Variants in TMEM135 observed in about 807,000 individuals in gnomAD.
TMEM135 encodes the protein transmembrane protein 135.
TMEM135 carries 30 observed loss-of-function variants against 60.3 expected under a neutral mutation model. That is an observed-to-expected ratio of 0.50 (90% CI 0.37 to 0.68). The LOEUF (loss-of-function observed/expected upper bound fraction) is 0.68. Among genes scored for constraint, TMEM135 ranks in the 30% least tolerant of loss-of-function variants. The probability of loss-of-function intolerance (pLI) is 0.00; values close to 1 mark genes in which losing one functional copy is unlikely to be tolerated. For synonymous variants in TMEM135, 190 were observed against 186.7 expected, an observed-to-expected ratio of 1.02 and a Z score of -0.14; for missense variants, 468 against 548.8, an observed-to-expected ratio of 0.85 and a Z score of 1.47.
chr11:87,278,554 C>A (rs1312899125), intron 6 of TMEM135, among the ~76,000 whole-genome samples: 1 of 151,974 alleles, frequency 6.6e-6, no homozygotes, highest in Non-Finnish European at 1.5e-5. Flanking sequence ...TTAGTAGAGA[C>A]AAGGTTTCAC....
intron 4 of TMEM135, among the ~76,000 whole-genome samples, chr11:87,101,745 C>T (rs568431303): frequency 4.6e-5 from 7 of 152,108 alleles, no homozygotes; most frequent in East Asian, 3.9e-4. Flanking sequence ...GAGGCCGAGG[C>T]GGGCAGATCA....
chr11:87,209,112 C>A (rs1019866877), intron 5 of TMEM135, among the ~76,000 whole-genome samples: 1 of 152,070 alleles, frequency 6.6e-6, no homozygotes, highest in Non-Finnish European at 1.5e-5. Flanking sequence ...AAGGACATAA[C>A]CCCATTGGCA....
chr11:87,309,798 A>T, intron 10 of TMEM135, 126 bp downstream of exon 10: 3 of 1,043,974 alleles, frequency 2.9e-6, no homozygotes, highest in Non-Finnish European at 4.2e-6. Context: ...ATATCTTGAC[A>T]TAACCAAATC....
intron 4 of TMEM135, among the ~76,000 whole-genome samples, chr11:87,150,690 C>T (rs1333444202): frequency 6.6e-6 from 1 of 152,144 alleles, no homozygotes; most frequent in African/African-American, 2.4e-5. Context: ...AACTTTGTGA[C>T]ATAAGATTCC....
rs368777251 is a variant in TMEM135, at chr11:87,117,588, A to G, written c.396+26193A>G. On this transcript the variant is annotated intron_variant, in intron 4 of 14. Coordinates refer to ENST00000305494, the MANE Select transcript of TMEM135 (RefSeq NM_022918.4). Reference sequence around the variant, plus strand: ...TCATAAGAAAAAAACAGAACTCCTGATCTGTTCAAGATTTATCATGAGATT... The same window carrying G: ...TCATAAGAAAAAAACAGAACTCCTGGTCTGTTCAAGATTTATCATGAGATT... Among the ~76,000 whole-genome samples the G allele has an allele frequency of 1.4e-4, 22 of 152,310 alleles. No homozygotes were observed. In the East Asian group the frequency reaches 3.9e-3, roughly 27 times the overall value.
chr11:87,099,762 A>G (rs1857413173), intron 4 of TMEM135, among the ~76,000 whole-genome samples: 1 of 144,352 alleles, frequency 6.9e-6, no homozygotes, highest in Admixed American at 7.3e-5. Context: ...GGCTCACTGC[A>G]ACCTCCGCCT....
At chr11:87,240,037 C>T (rs1941095648) in intron 6 of TMEM135, among the ~76,000 whole-genome samples, 2 of 152,154 alleles carry the variant, frequency 1.3e-5, no homozygotes, top group Middle Eastern at 3.4e-3. Flanking sequence ...CCACTTACTT[C>T]TGGTGTGTAA....
intron 1 of TMEM135, among the ~76,000 whole-genome samples, chr11:87,061,307 T>TG (rs1949944836): frequency 6.6e-6 from 1 of 152,172 alleles, no homozygotes; most frequent in African/African-American, 2.4e-5. Flanking sequence ...TTATCACAGC[T>TG]GGGGGGATTC....
chr11:87,248,299 C>G (rs1941335930), intron 6 of TMEM135, among the ~76,000 whole-genome samples: 2 of 152,130 alleles, frequency 1.3e-5, no homozygotes, highest in Admixed American at 6.5e-5. Flanking sequence ...AGTGGTTGTA[C>G]TAATTTACAT....
At chr11:87,207,601 T>A (rs479922) in intron 5 of TMEM135, among the ~76,000 whole-genome samples, 19,815 of 152,244 alleles carry the variant, frequency 0.13, 1,342 homozygotes, top group Non-Finnish European at 0.15. Flanking sequence ...TGCATGATAT[T>A]CATTTACTAT....
At chr11:87,212,508 G>A (rs917793981) in intron 5 of TMEM135, among the ~76,000 whole-genome samples, 2 of 152,140 alleles carry the variant, frequency 1.3e-5, no homozygotes, top group African/African-American at 2.4e-5. Context: ...CCTGAGAAGA[G>A]AGATACCAAG....
At chr11:87,178,126 C>T (rs533137234) in intron 5 of TMEM135, among the ~76,000 whole-genome samples, 8 of 152,248 alleles carry the variant, frequency 5.3e-5, no homozygotes, top group Non-Finnish European at 7.4e-5. Flanking sequence ...ATTGAACTGT[C>T]TCCAGCTCCC....
chr11:87,261,532 A>C (rs1022644681), intron 6 of TMEM135, among the ~76,000 whole-genome samples: 1 of 152,212 alleles, frequency 6.6e-6, no homozygotes, highest in Non-Finnish European at 1.5e-5. Flanking sequence ...CAAAAGTATA[A>C]ATAATAAAAA....
In TMEM135 at chr11:87,049,446, G is replaced by C. The variant is rs1409270709; in HGVS notation, c.141+11260G>C. Reference sequence around the variant, plus strand: ...ATCTCACATGCAGAGACACACATAGGCTCAAAATAAAAGGATGGTGGAAGA... The same window carrying C: ...ATCTCACATGCAGAGACACACATAGCCTCAAAATAAAAGGATGGTGGAAGA... On this transcript the variant is annotated intron_variant, in intron 1 of 14. Coordinates refer to ENST00000305494, the MANE Select transcript of TMEM135 (RefSeq NM_022918.4). Among the ~76,000 whole-genome samples the C allele has an allele frequency of 3.8e-5, 4 of 104,262 alleles. 1 individual carries two copies. Among genetic ancestry groups the C allele is most frequent in the African/African-American group, 8.4e-5 (2 of 23,824 alleles). The allele number at this position is 104,262 out of a possible 152,430, so 68.4% of individuals were successfully genotyped here.
chr11:87,094,786 C>A, intron 4 of TMEM135: 1 of 190,188 alleles, frequency 5.3e-6, no homozygotes, highest in Non-Finnish European at 1.2e-5. Context: ...TGAATTTTTT[C>A]TTCCATTATT....
At chr11:87,155,821 G>A (rs373951279) in intron 4 of TMEM135, among the ~76,000 whole-genome samples, 1 of 152,116 alleles carries the variant, frequency 6.6e-6, no homozygotes, top group African/African-American at 2.4e-5. Context: ...CTGGAATTCA[G>A]GATCTGTTTA....
At chr11:87,050,463 T>TA (rs1392505527) in intron 1 of TMEM135, among the ~76,000 whole-genome samples, 1 of 70,218 alleles carries the variant, frequency 1.4e-5, no homozygotes, top group Non-Finnish European at 2.4e-5. Flanking sequence ...ATAGACACAA[T>TA]AAAAAATGAT....
intron 5 of TMEM135, among the ~76,000 whole-genome samples, chr11:87,183,928 C>G (rs1939586695): frequency 8.6e-6 from 1 of 116,038 alleles, no homozygotes; most frequent in African/African-American, 3.4e-5. Flanking sequence ...CACACTCCAA[C>G]TTGGGCAACA....
At chr11:87,318,928 G>T (rs554129321) in intron 13 of TMEM135, 1 of 161,982 alleles carries the variant, frequency 6.2e-6, no homozygotes, top group African/African-American at 2.4e-5. Context: ...GAGTGCAATG[G>T]CATGATCTCA....
Sources: gnomAD v4.1 joint callset for allele counts (sites outside exome capture counted in the v4.1 genomes callset) on GRCh38, gnomAD v4.1.1 for gene constraint, MANE v1.5 for transcripts, NCBI Gene and HGNC (gene_info 2026-07-23, HGNC 2026-07-21) for gene names.